CTNNA3: variants seen among roughly 807,000 people sequenced by gnomAD.
CTNNA3 encodes the protein catenin alpha-3.
A neutral mutation model predicts 95.7 loss-of-function variants in CTNNA3; 76 were observed. That is an observed-to-expected ratio of 0.79 (90% CI 0.66 to 0.96). The LOEUF (loss-of-function observed/expected upper bound fraction) is 0.96. Ranked by LOEUF, CTNNA3 falls within the 40% of genes least tolerant of loss-of-function variation. The pLI, the probability that CTNNA3 is intolerant of heterozygous loss-of-function variation, is 0.00. For synonymous variants in CTNNA3, 431 were observed against 374.4 expected (o/e 1.15, Z -1.74); for missense variants, 1,191 against 1,089.8 (o/e 1.09, Z -1.31).
rs185109886 is a variant in CTNNA3, at chr10:66,122,158, A to C, written c.1885-18909T>G. Among the ~76,000 whole-genome samples the C allele has an allele frequency of 2.0e-5, 3 of 152,298 alleles. No homozygotes were observed. In the East Asian group the frequency reaches 5.8e-4, roughly 29 times the overall value. ...AAATAGAGAGATGAAAACTCTAAGA[A>C]AAAAATCAAAAGGAAATATAAAAAT... On this transcript the variant is annotated intron_variant, in intron 13 of 17. Transcript: ENST00000433211.
intron 1 of CTNNA3, among the ~76,000 whole-genome samples, chr10:67,649,292 T>C (rs1020471673): frequency 5.3e-5 from 8 of 152,294 alleles, no homozygotes; most frequent in South Asian, 2.1e-4. Context: ...CACGACTGGT[T>C]TCCAAAGCTA....
intron 12 of CTNNA3, among the ~76,000 whole-genome samples, chr10:66,371,677 C>T (rs948093758): frequency 6.6e-6 from 1 of 152,074 alleles, no homozygotes; most frequent in Admixed American, 6.6e-5. Context: ...TTCTCATCAT[C>T]CCCAACTTCC....
chr10:67,434,811 A>C (rs887558442), intron 5 of CTNNA3, among the ~76,000 whole-genome samples: 8 of 152,016 alleles, frequency 5.3e-5, no homozygotes, highest in African/African-American at 1.9e-4. Context: ...TGACTTACCA[A>C]GTCAGCATAG....
intron 2 of CTNNA3, among the ~76,000 whole-genome samples, chr10:67,634,844 T>C (rs754804877): frequency 6.6e-6 from 1 of 152,028 alleles, no homozygotes; most frequent in Non-Finnish European, 1.5e-5. Context: ...TAGAAACCTA[T>C]AAAGATACTT....
intron 7 of CTNNA3, among the ~76,000 whole-genome samples, chr10:66,999,903 AG>A (rs1207064442): frequency 1.3e-5 from 2 of 152,188 alleles, no homozygotes; most frequent in Non-Finnish European, 2.9e-5. Flanking sequence ...AAGTCATTGA[AG>A]GTCATCTGAT....
At position 67,150,151 on chromosome 10, in the gene CTNNA3, T is replaced by A. The variant is rs931475426; in HGVS notation, c.1047+30166A>T. ...ATGTTACTTAATCTAAGGATAAAAA[T>A]TATTTTTAATTATTAAACTTGGAAT... is the stretch of plus-strand genomic sequence containing the variant. On this transcript the variant is annotated intron_variant, in intron 7 of 17. Coordinates refer to ENST00000433211, the MANE Select transcript of CTNNA3 (RefSeq NM_013266.4). Among the ~76,000 whole-genome samples, 4 of 152,182 alleles carry A rather than the reference T, an allele frequency of 2.6e-5. 1 individual carries two copies. Among genetic ancestry groups the A allele is most frequent in the South Asian group, 4.1e-4 (2 of 4,834 alleles).
At chr10:67,226,895 A>T (rs1864943172) in intron 5 of CTNNA3, among the ~76,000 whole-genome samples, 1 of 152,202 alleles carries the variant, frequency 6.6e-6, no homozygotes, top group African/African-American at 2.4e-5. Context: ...ACATCTCAAT[A>T]CTAACACAGA....
chr10:66,147,608 G>GA (rs1370187511), intron 13 of CTNNA3, among the ~76,000 whole-genome samples: 5 of 105,782 alleles, frequency 4.7e-5, no homozygotes, highest in Admixed American at 3.3e-4. Context: ...GTTGCTTTCA[G>GA]TTTTTTTTTT....
intron 13 of CTNNA3, among the ~76,000 whole-genome samples, chr10:66,192,506 G>A (rs1402169160): frequency 6.6e-6 from 1 of 152,152 alleles, no homozygotes; most frequent in Non-Finnish European, 1.5e-5. Flanking sequence ...AATGGTCTCA[G>A]AAGTTATAGA....
chr10:67,075,783 T>G (rs1856717463), intron 7 of CTNNA3, among the ~76,000 whole-genome samples: 1 of 152,196 alleles, frequency 6.6e-6, no homozygotes, highest in Admixed American at 6.5e-5. Flanking sequence ...AAAAATTAAC[T>G]CACACATTCA....
At chr10:66,360,646 TCTTTCTTTCTTTCTTC>T (rs1335407921) in intron 12 of CTNNA3, among the ~76,000 whole-genome samples, 1,288 of 66,434 alleles carry the variant, frequency 0.019, 14 homozygotes, top group East Asian at 0.069. Flanking sequence ...TTTCTTTCTT[TCTTTCTTTCTTTCTTC>T]CTTCCTTCCT....
intron 10 of CTNNA3, among the ~76,000 whole-genome samples, chr10:66,544,565 C>T (rs1841979484): frequency 6.6e-6 from 1 of 151,968 alleles, no homozygotes; most frequent in African/African-American, 2.4e-5. Context: ...GTAATATATC[C>T]TAGGTTCAAA....
chr10:66,718,554 C>T (rs1023965747), intron 9 of CTNNA3, among the ~76,000 whole-genome samples: 2 of 151,196 alleles, frequency 1.3e-5, no homozygotes, highest in Non-Finnish European at 2.9e-5. Flanking sequence ...TGAAACTGTG[C>T]AGCAATACAT....
intron 1 of CTNNA3, among the ~76,000 whole-genome samples, chr10:67,651,642 C>T (rs1480059792): frequency 6.6e-6 from 1 of 152,134 alleles, no homozygotes; most frequent in Admixed American, 6.5e-5. Context: ...TTATTAAACA[C>T]TGTTGTGTGA....
chr10:67,762,417 T>C (rs1416260542), intron 1 of CTNNA3, among the ~76,000 whole-genome samples: 4 of 147,884 alleles, frequency 2.7e-5, no homozygotes, highest in African/African-American at 9.9e-5. Context: ...GTAAAAACTT[T>C]GAGCAATGTT....
chr10:67,619,636 A>C (rs1313565091), intron 2 of CTNNA3, among the ~76,000 whole-genome samples: 1 of 152,220 alleles, frequency 6.6e-6, no homozygotes, highest in East Asian at 1.9e-4. Context: ...AGACAGGAAA[A>C]AGAAGTGTGG....
intron 11 of CTNNA3, among the ~76,000 whole-genome samples, chr10:66,425,531 A>G (rs1052437381): frequency 2.0e-5 from 3 of 152,052 alleles, no homozygotes; most frequent in Non-Finnish European, 4.4e-5. Flanking sequence ...TGTCCTGCCT[A>G]CCAACTAAAT....
At chr10:67,393,205 A>G (rs1365615690) in intron 5 of CTNNA3, among the ~76,000 whole-genome samples, 3 of 152,116 alleles carry the variant, frequency 2.0e-5, no homozygotes, top group Non-Finnish European at 4.4e-5. Flanking sequence ...TGCCAACAAT[A>G]CCATCTGTGT....
chr10:67,667,406 C>T (rs1840350846), intron 1 of CTNNA3, among the ~76,000 whole-genome samples: 1 of 152,100 alleles, frequency 6.6e-6, no homozygotes, highest in Non-Finnish European at 1.5e-5. Flanking sequence ...TTTTCTGTTT[C>T]TTTGATGCAA....
Sources: gnomAD v4.1 joint callset for allele counts (sites outside exome capture counted in the v4.1 genomes callset) on GRCh38, gnomAD v4.1.1 for gene constraint, MANE v1.5 for transcripts, NCBI Gene and HGNC (gene_info 2026-07-23, HGNC 2026-07-21) for gene names.